The following HEBP1 variants were observed in gnomAD, a reference collection of about 807,000 sequenced individuals.
HEBP1 encodes heme binding protein 1, also known as heme-binding protein 1.
Under a neutral mutation model 20.4 loss-of-function variants are expected in HEBP1, and 13 were observed. The ratio of observed to expected loss-of-function variants is 0.64; its 90% confidence interval spans 0.42 to 1.01. The LOEUF (loss-of-function observed/expected upper bound fraction) is 1.01, where lower values mean the gene tolerates loss of function less well. Ranked by LOEUF, HEBP1 falls within the 50% of genes least tolerant of loss-of-function variation. HEBP1 has a pLI of 0.00. For missense variants in HEBP1, 241 were observed against 247.3 expected, an observed-to-expected ratio of 0.97 and a Z score of 0.17; for synonymous variants, 92 against 90.7, an observed-to-expected ratio of 1.01 and a Z score of -0.08.
At chr12:12,981,266 G>A (rs1027608637) in intron 3 of HEBP1, among the ~76,000 whole-genome samples, 5 of 152,194 alleles carry the variant, frequency 3.3e-5, no homozygotes, top group South Asian at 2.1e-4. Context: ...GGAAATCTGC[G>A]TTGTGTTTTG....
chr12:12,993,433 G>A (rs750922262), intron 1 of HEBP1, among the ~76,000 whole-genome samples: 7 of 148,840 alleles, frequency 4.7e-5, no homozygotes, highest in Non-Finnish European at 1.0e-4. Flanking sequence ...GAGCTCATGC[G>A]ATCCACCTAT....
Position 12,975,430 on chromosome 12 carries a change from G to T in HEBP1, c.448C>A (p.Arg150Ser), listed in dbSNP as rs982212804. Residue 150 changes from arginine (R) to serine (S), a missense_variant, in exon 4 of 4, where the codon CGT becomes AGT. Transcript: ENST00000014930. ...KEADYVAQAT[R>S]LRAALEGTAT... ...GTGCCCTCCAGGGCAGCACGCAGAC[G>T]GGTGGCTTGTGCTACGTAGTCTGCT... 6.2e-7 allele frequency: 1 copy of T among 1,612,490 alleles called. No homozygotes were observed. Among genetic ancestry groups the T allele is most frequent in the South Asian group, 1.1e-5 (1 of 90,920 alleles).
At chr12:12,982,320 CG>C (rs1236388156) in intron 3 of HEBP1, among the ~76,000 whole-genome samples, 3 of 152,164 alleles carry the variant, frequency 2.0e-5, no homozygotes, top group Non-Finnish European at 4.4e-5. Context: ...TTCAATAGAA[CG>C]GCTGGACAAG....
intron 3 of HEBP1, among the ~76,000 whole-genome samples, chr12:12,976,469 A>G (rs1045124571): frequency 1.3e-5 from 2 of 152,234 alleles, no homozygotes. Context: ...AGAGTCAAGT[A>G]CATCCCGATT....
chr12:12,990,151 A>C (rs199549194), intron 1 of HEBP1, among the ~76,000 whole-genome samples: 2 of 46,210 alleles, frequency 4.3e-5, no homozygotes, highest in African/African-American at 1.1e-4. Context: ...CACACACACA[A>C]ACACACACAC....
intron 1 of HEBP1, among the ~76,000 whole-genome samples, chr12:12,997,404 C>T (rs1864304448): frequency 6.6e-6 from 1 of 152,084 alleles, no homozygotes; most frequent in African/African-American, 2.4e-5. Flanking sequence ...TTAGTAAGCA[C>T]CCTAGGAGAC....
At chr12:12,990,789 T>C (rs1864215463) in intron 1 of HEBP1, among the ~76,000 whole-genome samples, 6 of 152,188 alleles carry the variant, frequency 3.9e-5, no homozygotes, top group Admixed American at 3.9e-4. Context: ...CTCAAATTGC[T>C]CCTGGGGATA....
chr12:12,990,887 T>G (rs1457249064), intron 1 of HEBP1, among the ~76,000 whole-genome samples: 1 of 152,148 alleles, frequency 6.6e-6, no homozygotes, highest in Non-Finnish European at 1.5e-5. Flanking sequence ...CTCAGACCAG[T>G]AATCTGGCCC....
At chr12:12,983,356 C>A in intron 3 of HEBP1, 1 of 213,830 alleles carries the variant, frequency 4.7e-6, no homozygotes, top group Non-Finnish European at 9.6e-6. Context: ...TTCTATTCAT[C>A]TAAAAGCACC....
chr12:13,000,235 T>C lies in HEBP1; in HGVS notation c.-121A>G, dbSNP rs537980613. 6,745 of 133,808 alleles carry C rather than the reference T, an allele frequency of 0.05. 248 individuals are homozygous for C. Among genetic ancestry groups the C allele is most frequent in the South Asian group, 0.14 (763 of 5,610 alleles). 8.3% of individuals were successfully genotyped at this position (133,808 alleles called of 1,614,324 possible). ...GCGGCAGGGCGGCAGGGCGGCAGGG[T>C]GGCAGGGCGGCAAGGCGGCGGGACG... On this transcript the variant is annotated 5_prime_UTR_variant, in exon 1 of 4. Coordinates refer to ENST00000014930, the MANE Select transcript of HEBP1 (RefSeq NM_015987.5).
intron 1 of HEBP1, among the ~76,000 whole-genome samples, chr12:12,989,921 T>G (rs1255675536): frequency 1.3e-5 from 2 of 152,174 alleles, no homozygotes; most frequent in Non-Finnish European, 1.5e-5. Flanking sequence ...CATTTTTCCC[T>G]TGGCCTCCTT....
Position 12,987,441 on chromosome 12 carries a change from C to A in HEBP1, c.218-109G>T, listed in dbSNP as rs781739152. 8.6e-5 allele frequency: 70 copies of A among 809,338 alleles called. 1 individual carries two copies. Among genetic ancestry groups the A allele is most frequent in the South Asian group, 4.0e-4 (20 of 50,496 alleles). The allele number at this position is 809,338 out of a possible 1,614,324, so 50.1% of individuals were successfully genotyped here. A position where few individuals can be genotyped will look rare whatever the true frequency, so the allele number is the denominator to read the frequency against. On this transcript the variant is annotated intron_variant, in intron 2 of 3. Coordinates refer to ENST00000014930, the MANE Select transcript of HEBP1 (RefSeq NM_015987.5). Reference sequence around the variant, plus strand: ...TCTTTCAAAGTGGTATGTTTTTGTTCTTGAAATTAACAATGAACATTTCAA... The same window carrying A: ...TCTTTCAAAGTGGTATGTTTTTGTTATTGAAATTAACAATGAACATTTCAA...
intron 3 of HEBP1, 43 bp downstream of exon 3, chr12:12,987,109 A>G (rs763819176): frequency 1.3e-6 from 2 of 1,538,004 alleles, no homozygotes; most frequent in South Asian, 2.3e-5. Context: ...GTGGTACGGG[A>G]ATCAAGCGCC....
At chr12:12,978,871 C>A (rs2136537503) in intron 3 of HEBP1, 1 of 152,242 alleles carries the variant, frequency 6.6e-6, no homozygotes, top group South Asian at 2.1e-4. Flanking sequence ...TATTAAGGGC[C>A]CTCTGTGAAA....
intron 3 of HEBP1, among the ~76,000 whole-genome samples, chr12:12,982,817 T>C (rs1023780832): frequency 3.9e-5 from 6 of 152,228 alleles, no homozygotes; most frequent in Non-Finnish European, 7.3e-5. Context: ...TTAATTCTAA[T>C]AAAACTTGAT....
rs763309173 is a variant in HEBP1, at chr12:12,989,314, G to A, written c.180C>T (p.Pro60=). ...TGCCCCCCGCATACTTTGCGACCTT[G>A]GGCATTGCTTCCCGTAGAGCCTCAT... ...PVDEALREAM[P]KVAKYAGGTN... is the part of the protein sequence containing the mutation. Residue 60 remains proline, a synonymous_variant, in exon 2 of 4, where the codon CCC becomes CCT. Transcript: ENST00000014930. 2 of 1,614,172 alleles carry A rather than the reference G, an allele frequency of 1.2e-6. No homozygotes were observed. The highest frequency in any genetic ancestry group is 4.5e-5 in the East Asian group (2 of 44,882).
chr12:12,990,312 G>A (rs1471999909), intron 1 of HEBP1, among the ~76,000 whole-genome samples: 1 of 151,380 alleles, frequency 6.6e-6, no homozygotes, highest in East Asian at 1.9e-4. Context: ...GGGACCGCAG[G>A]TGCATACCAC....
chr12:12,976,655 G>A (rs1409859197), intron 3 of HEBP1, among the ~76,000 whole-genome samples: 1 of 152,206 alleles, frequency 6.6e-6, no homozygotes, highest in Non-Finnish European at 1.5e-5. Flanking sequence ...GAACACCCAG[G>A]ATGTTTTCTG....
intron 3 of HEBP1, among the ~76,000 whole-genome samples, chr12:12,976,187 G>A (rs1437689054): frequency 6.6e-6 from 1 of 151,248 alleles, no homozygotes; most frequent in African/African-American, 2.4e-5. Context: ...CCCCACACAA[G>A]CTTTAAACAT....
Sources: gnomAD v4.1 joint callset for allele counts (sites outside exome capture counted in the v4.1 genomes callset) on GRCh38, gnomAD v4.1.1 for gene constraint, MANE v1.5 for transcripts, NCBI Gene and HGNC (gene_info 2026-07-23, HGNC 2026-07-21) for gene names.